RUNX1: variants seen among roughly 807,000 people sequenced by gnomAD.
RUNX1 encodes runt-related transcription factor 1.
RUNX1 carries 19 observed loss-of-function variants against 42.8 expected under a neutral mutation model. The observed-to-expected ratio is 0.44, with a 90% CI of 0.31 to 0.65. The LOEUF (loss-of-function observed/expected upper bound fraction) is 0.65. Among genes scored for constraint, RUNX1 ranks in the 30% least tolerant of loss-of-function variants. The pLI is 0.07. For missense variants in RUNX1, 528 were observed against 672.0 expected, an observed-to-expected ratio of 0.79 and a Z score of 2.37; for synonymous variants, 271 against 289.4, an observed-to-expected ratio of 0.94 and a Z score of 0.64.
chr21:34,906,715 C>A (rs1436877347), intron 2 of RUNX1, among the ~76,000 whole-genome samples: 26 of 152,184 alleles, frequency 1.7e-4, no homozygotes, highest in Admixed American at 1.7e-3. Flanking sequence ...CAATGACTTT[C>A]CCAAAGGACT....
At chr21:34,816,161 G>A (rs1328863983) in intron 7 of RUNX1, among the ~76,000 whole-genome samples, 1 of 152,226 alleles carries the variant, frequency 6.6e-6, no homozygotes, top group African/African-American at 2.4e-5. Flanking sequence ...TTTAGGGCAG[G>A]ATATTCTGAA....
intron 2 of RUNX1, among the ~76,000 whole-genome samples, chr21:34,964,723 G>A (rs2058706294): frequency 6.6e-6 from 1 of 152,150 alleles, no homozygotes; most frequent in Non-Finnish European, 1.5e-5. Context: ...CTGATCCAGT[G>A]TCTGCCACAA....
At chr21:34,809,467 G>C (rs1488734268) in intron 7 of RUNX1, among the ~76,000 whole-genome samples, 4 of 151,982 alleles carry the variant, frequency 2.6e-5, no homozygotes, top group African/African-American at 7.2e-5. Context: ...GCTTCAAGCA[G>C]AAGAGGCACA....
At chr21:34,939,017 C>T (rs1300800458) in intron 2 of RUNX1, among the ~76,000 whole-genome samples, 1 of 152,112 alleles carries the variant, frequency 6.6e-6, no homozygotes, top group South Asian at 2.1e-4. Flanking sequence ...TTTAAATGTT[C>T]CCTTCACAAA....
chr21:34,934,600 A>G (rs2058472082), intron 2 of RUNX1, among the ~76,000 whole-genome samples: 1 of 152,172 alleles, frequency 6.6e-6, no homozygotes, highest in African/African-American at 2.4e-5. Flanking sequence ...TGATATGAAC[A>G]CAAAGGTCGA....
At chr21:34,921,609 T>C (rs1468051384) in intron 2 of RUNX1, among the ~76,000 whole-genome samples, 1 of 149,752 alleles carries the variant, frequency 6.7e-6, no homozygotes. Context: ...AATATAAACA[T>C]TCTTATTCAC....
chr21:35,006,884 C>T (rs1169971740), intron 2 of RUNX1, among the ~76,000 whole-genome samples: 2 of 152,104 alleles, frequency 1.3e-5, no homozygotes, highest in African/African-American at 4.8e-5. Context: ...CCAGGACAGT[C>T]CCCATTTACT....
intron 2 of RUNX1, among the ~76,000 whole-genome samples, chr21:34,992,539 T>A (rs59680634): frequency 1.3e-5 from 2 of 151,758 alleles, no homozygotes; most frequent in African/African-American, 4.8e-5. Context: ...GGAATTAACA[T>A]CCTAGGGGTG....
chr21:34,984,911 A>G (rs1319103565), intron 2 of RUNX1, among the ~76,000 whole-genome samples: 3 of 152,214 alleles, frequency 2.0e-5, no homozygotes, highest in Non-Finnish European at 2.9e-5. Flanking sequence ...GGGTGACAGG[A>G]TCTTCCCAGA....
At chr21:34,856,558 C>T in intron 6 of RUNX1, 1 of 434,356 alleles carries the variant, frequency 2.3e-6, no homozygotes, top group South Asian at 1.8e-5. Flanking sequence ...ACATCAGGAA[C>T]TCCTCATTCT....
chr21:34,974,109 T>C (rs2058782603), intron 2 of RUNX1, among the ~76,000 whole-genome samples: 1 of 152,240 alleles, frequency 6.6e-6, no homozygotes, highest in Non-Finnish European at 1.5e-5. Context: ...TTTTCTTCTC[T>C]GTTTTCGTAA....
At chr21:34,989,272 G>A (rs185456532) in intron 2 of RUNX1, among the ~76,000 whole-genome samples, 60 of 152,132 alleles carry the variant, frequency 3.9e-4, no homozygotes, top group Admixed American at 8.5e-4. Flanking sequence ...GCCTCCCAAA[G>A]TGCTGGGATT....
chr21:35,026,940 T>G (rs1448338696), intron 2 of RUNX1, among the ~76,000 whole-genome samples: 1 of 152,262 alleles, frequency 6.6e-6, no homozygotes, highest in African/African-American at 2.4e-5. Context: ...GCAACCCTGC[T>G]TTAACTGCCG....
intron 4 of RUNX1, among the ~76,000 whole-genome samples, chr21:34,885,812 G>C (rs1271388978): frequency 6.6e-6 from 1 of 151,912 alleles, no homozygotes. Flanking sequence ...CCCTTTAAAC[G>C]AACAGGAAAT....
At chr21:34,864,504 A>T (rs1196758171) in intron 5 of RUNX1, among the ~76,000 whole-genome samples, 1 of 152,072 alleles carries the variant, frequency 6.6e-6, no homozygotes, top group Non-Finnish European at 1.5e-5. Flanking sequence ...TCCCTGAAGC[A>T]CTCACTGGCC....
intron 2 of RUNX1, among the ~76,000 whole-genome samples, chr21:34,963,005 A>G (rs574376544): frequency 6.6e-6 from 1 of 152,334 alleles, no homozygotes; most frequent in South Asian, 2.1e-4. Context: ...TTTGTTCTCA[A>G]TGAGTTTTAA....
chr21:34,864,479 T>C (rs2057627023), intron 5 of RUNX1, among the ~76,000 whole-genome samples: 1 of 152,186 alleles, frequency 6.6e-6, no homozygotes, highest in South Asian at 2.1e-4. Flanking sequence ...GTTGGCAGCC[T>C]GGAGGATCCA....
intron 6 of RUNX1, among the ~76,000 whole-genome samples, chr21:34,842,977 G>C (rs527906504): frequency 2.6e-5 from 4 of 152,170 alleles, no homozygotes; most frequent in Admixed American, 2.6e-4. Context: ...GGCTGAGGCA[G>C]AAGAATTGCT....
intron 2 of RUNX1, among the ~76,000 whole-genome samples, chr21:35,009,450 C>T (rs147297543): frequency 4.6e-5 from 7 of 152,248 alleles, no homozygotes; most frequent in East Asian, 1.9e-4. Flanking sequence ...GAAGTTTGGG[C>T]GGATTCTCCA....
Sources: gnomAD v4.1 joint callset for allele counts (sites outside exome capture counted in the v4.1 genomes callset) on GRCh38, gnomAD v4.1.1 for gene constraint, MANE v1.5 for transcripts, NCBI Gene and HGNC (gene_info 2026-07-23, HGNC 2026-07-21) for gene names.